The following GTF2B variants were observed in gnomAD, a reference collection of about 807,000 sequenced individuals.
GTF2B encodes general transcription factor IIB, also known as transcription initiation factor IIB.
Under a neutral mutation model 34.6 loss-of-function variants are expected in GTF2B, and 20 were observed. The observed-to-expected ratio is 0.58, with a 90% CI of 0.41 to 0.84. The LOEUF (loss-of-function observed/expected upper bound fraction) is 0.84, where lower values mean the gene tolerates loss of function less well. GTF2B is among the 40% of genes least tolerant of loss of function. GTF2B has a pLI of 0.00. For synonymous variants in GTF2B, 142 were observed against 132.4 expected, an observed-to-expected ratio of 1.07 and a Z score of -0.50; for missense variants, 237 against 393.3, an observed-to-expected ratio of 0.60 and a Z score of 3.36.
chr1:88,873,182 G>GTTTTTTT (rs869087763), intron 2 of GTF2B, among the ~76,000 whole-genome samples: 6 of 100,446 alleles, frequency 6.0e-5, no homozygotes, highest in Admixed American at 1.2e-4. Context: ...ATTCCATTAA[G>GTTTTTTT]TTTTTTTTTT....
chr1:88,863,882 T>TC (rs1414949281), intron 3 of GTF2B, 99 bp downstream of exon 3: 4 of 983,408 alleles, frequency 4.1e-6, no homozygotes, highest in Non-Finnish European at 6.4e-6. Flanking sequence ...AGGTCAAGAT[T>TC]CCCCACTGGT....
intron 2 of GTF2B, among the ~76,000 whole-genome samples, chr1:88,879,242 A>T (rs982139405): frequency 1.3e-5 from 2 of 151,932 alleles, no homozygotes; most frequent in South Asian, 2.1e-4. Context: ...ATATAAGCTT[A>T]TAAGATAAAT....
At chr1:88,870,090 G>A (rs1336191313) in intron 2 of GTF2B, among the ~76,000 whole-genome samples, 3 of 151,784 alleles carry the variant, frequency 2.0e-5, no homozygotes, top group African/African-American at 7.3e-5. Context: ...ACCACGCCTG[G>A]CTAATTTTTG....
At chr1:88,865,865 C>T (rs1673536692) in intron 2 of GTF2B, among the ~76,000 whole-genome samples, 1 of 147,228 alleles carries the variant, frequency 6.8e-6, no homozygotes, top group African/African-American at 2.6e-5. Flanking sequence ...ACAAAACAAA[C>T]AAACAAACAA....
Position 88,861,210 on chromosome 1 carries a change from ATGAAGAAAACTTTCAAACATCTCC to A in GTF2B, c.259-948_259-925del, listed in dbSNP as rs555558676. On this transcript the variant is annotated intron_variant, in intron 3 of 6. Transcript: ENST00000370500. ...AACTTGAGAAACATGTGAGACGTTCATGAAGAAAACTTTCAAACATCTCCTGAAGGACACATAAGATACCTAAGG... is the reference window on the plus strand; with the variant it reads ...AACTTGAGAAACATGTGAGACGTTCATGAAGGACACATAAGATACCTAAGG... Among the ~76,000 whole-genome samples the A allele has an allele frequency of 3.2e-3, 491 of 152,378 alleles. 1 individual carries two copies. The highest frequency in any genetic ancestry group is 0.011 in the African/African-American group (475 of 41,586).
chr1:88,887,067 C>T (rs1674086893), intron 2 of GTF2B, among the ~76,000 whole-genome samples, 194 bp downstream of exon 2: 1 of 151,984 alleles, frequency 6.6e-6, no homozygotes, highest in Non-Finnish European at 1.5e-5. Flanking sequence ...TACAGGTGCC[C>T]ACCACTACGC....
intron 2 of GTF2B, among the ~76,000 whole-genome samples, chr1:88,881,196 T>C (rs1031037155): frequency 6.8e-6 from 1 of 147,086 alleles, no homozygotes; most frequent in African/African-American, 2.5e-5. Flanking sequence ...AAAAGATACA[T>C]ACTTACCTCT....
chr1:88,888,418 C>T (rs1319615669), intron 1 of GTF2B, among the ~76,000 whole-genome samples: 1 of 151,974 alleles, frequency 6.6e-6, no homozygotes, highest in African/African-American at 2.4e-5. Context: ...ATTGGGAACA[C>T]GGGGGGATGA....
At position 88,870,163 on chromosome 1, in the gene GTF2B, T is replaced by C. The variant is rs557245725; in HGVS notation, c.125-6049A>G. 3.0e-4 allele frequency among the ~76,000 whole-genome samples: 46 copies of C among 152,204 alleles called. 2 individuals are homozygous for C. In the South Asian group the frequency reaches 7.7e-3, roughly 25 times the overall value. On this transcript the variant is annotated intron_variant, in intron 2 of 6. Coordinates refer to ENST00000370500, the MANE Select transcript of GTF2B (RefSeq NM_001514.6). ...GGATGGTCTCGATCTCCTGACCTTGTGATCCACCCGCCTTGGCCTCCCAAA... is the reference window on the plus strand; with the variant it reads ...GGATGGTCTCGATCTCCTGACCTTGCGATCCACCCGCCTTGGCCTCCCAAA...
In GTF2B at chr1:88,854,353, T is replaced by C. The variant is rs546274681; in HGVS notation, c.818-1007A>G. On this transcript the variant is annotated intron_variant, in intron 6 of 6. Transcript: ENST00000370500. ...TAAATATTTTGAGCTCAAACGAACATTGTACAGAATCCTAACAGATCCACT... is the reference window on the plus strand; with the variant it reads ...TAAATATTTTGAGCTCAAACGAACACTGTACAGAATCCTAACAGATCCACT... Among the ~76,000 whole-genome samples, 9 of 152,298 alleles carry C rather than the reference T, an allele frequency of 5.9e-5. No individual in the cohort carries two copies. The East Asian group carries it at 1.3e-3, about 23-fold the overall frequency.
chr1:88,864,630 C>A (rs1328891189), intron 2 of GTF2B, among the ~76,000 whole-genome samples: 2 of 152,206 alleles, frequency 1.3e-5, no homozygotes, highest in African/African-American at 4.8e-5. Flanking sequence ...ACAGAATAAA[C>A]CTCAAGCCTA....
chr1:88,863,842 C>A (rs755802489), intron 3 of GTF2B, 139 bp downstream of exon 3: 1 of 705,214 alleles, frequency 1.4e-6, no homozygotes, highest in Non-Finnish European at 2.5e-6. Flanking sequence ...CCATCATTCA[C>A]AATGATATTA....
intron 5 of GTF2B, 123 bp downstream of exon 5, chr1:88,859,759 C>T (rs1673393568): frequency 2.6e-6 from 2 of 757,970 alleles, no homozygotes; most frequent in Non-Finnish European, 4.3e-6. Context: ...TAGCTTGAAC[C>T]TGGGAGGCAG....
At chr1:88,858,250 C>T (rs975620038) in intron 5 of GTF2B, among the ~76,000 whole-genome samples, 12 of 152,180 alleles carry the variant, frequency 7.9e-5, no homozygotes, top group African/African-American at 2.4e-4. Flanking sequence ...CTACCTGCCT[C>T]GGCCTCACAA....
intron 2 of GTF2B, among the ~76,000 whole-genome samples, chr1:88,880,208 T>C (rs1673906512): frequency 6.6e-6 from 1 of 152,230 alleles, no homozygotes; most frequent in Non-Finnish European, 1.5e-5. Flanking sequence ...CAATCATGTA[T>C]ACCAAGATAA....
chr1:88,888,973 T>C (rs1177474530), intron 1 of GTF2B, among the ~76,000 whole-genome samples: 1 of 152,216 alleles, frequency 6.6e-6, no homozygotes, highest in African/African-American at 2.4e-5. Flanking sequence ...GAGCTATATG[T>C]ATGTGCTCAC....
chr1:88,880,668 C>T (rs1218920450), intron 2 of GTF2B, among the ~76,000 whole-genome samples: 1 of 152,138 alleles, frequency 6.6e-6, no homozygotes, highest in Non-Finnish European at 1.5e-5. Context: ...TCCCACTTTT[C>T]ATAGGTAAAC....
chr1:88,860,461 A>T (rs1225746381), intron 3 of GTF2B, among the ~76,000 whole-genome samples, 175 bp from the exon 4 acceptor site: 1 of 152,232 alleles, frequency 6.6e-6, no homozygotes, highest in East Asian at 1.9e-4. Context: ...TCAAGAACAT[A>T]GAAAATAGGA....
intron 6 of GTF2B, among the ~76,000 whole-genome samples, chr1:88,855,353 G>GT (rs1315421121): frequency 7.2e-4 from 96 of 134,052 alleles, no homozygotes; most frequent in East Asian, 2.4e-3. Flanking sequence ...TTCACTTTCT[G>GT]TTTTTGTTTT....
Sources: allele counts gnomAD v4.1 joint callset (sites outside exome capture counted in the v4.1 genomes callset), GRCh38; gene constraint gnomAD v4.1.1; transcripts MANE v1.5; gene names NCBI Gene and HGNC (gene_info 2026-07-23, HGNC 2026-07-21).